The following KIAA0825 variants were observed in gnomAD, a reference collection of about 807,000 sequenced individuals.
KIAA0825 encodes KIAA0825, also known as uncharacterized protein KIAA0825.
KIAA0825 carries 119 observed loss-of-function variants against 147.6 expected under a neutral mutation model. The ratio of observed to expected loss-of-function variants is 0.81; its 90% confidence interval spans 0.69 to 0.94. The LOEUF is 0.94. KIAA0825 is among the 40% of genes least tolerant of loss of function. The probability of loss-of-function intolerance (pLI) is 0.00; values close to 1 mark genes in which losing one functional copy is unlikely to be tolerated. For synonymous variants in KIAA0825, 470 were observed against 518.1 expected (o/e 0.91, Z 1.26); for missense variants, 1,381 against 1,472.7 (o/e 0.94, Z 1.02).
intron 20 of KIAA0825, among the ~76,000 whole-genome samples, chr5:94,338,588 T>C (rs983593840): frequency 6.6e-6 from 1 of 152,174 alleles, no homozygotes; most frequent in African/African-American, 2.4e-5. Context: ...ATATCTTTAC[T>C]GTACTGTTTA....
intron 1 of KIAA0825, among the ~76,000 whole-genome samples, chr5:94,616,434 G>T (rs920248758): frequency 6.6e-6 from 1 of 152,092 alleles, no homozygotes; most frequent in African/African-American, 2.4e-5. Context: ...TGAGGGTTAC[G>T]TGAGTGGAAC....
At chr5:94,585,877 T>C (rs2152377412) in intron 1 of KIAA0825, among the ~76,000 whole-genome samples, 1 of 152,204 alleles carries the variant, frequency 6.6e-6, no homozygotes, top group African/African-American at 2.4e-5. Context: ...GAATTCAGGA[T>C]TAAGAAACTC....
chr5:94,603,574 A>G (rs111234563), intron 1 of KIAA0825, among the ~76,000 whole-genome samples: 5,036 of 152,296 alleles, frequency 0.033, 129 homozygotes, highest in Non-Finnish European at 0.049. Flanking sequence ...ACATATAACA[A>G]TATCAACCTT....
rs555100401 is a variant in KIAA0825, at chr5:94,426,483, A to C, written c.2498-9118T>G. On this transcript the variant is annotated intron_variant, in intron 14 of 20. Transcript: ENST00000682413. The stretch of plus-strand genomic sequence containing the variant: ...AGACAAATACCATATGCTGTCACTC[A>C]TATGTGGAGGCTATAAAACTTGATC... Among the ~76,000 whole-genome samples, 15 of 152,326 alleles carry C rather than the reference A, an allele frequency of 9.8e-5. No individual in the cohort carries two copies. In the East Asian group the frequency reaches 1.2e-3, roughly 12 times the overall value.
chr5:94,159,118 AGTT>A (rs1767311652), intron 20 of KIAA0825, among the ~76,000 whole-genome samples: 1 of 152,130 alleles, frequency 6.6e-6, no homozygotes, highest in Non-Finnish European at 1.5e-5. Context: ...GTCCCAATAC[AGTT>A]GTTGCAGCTT....
chr5:94,542,694 C>G (rs763047283), intron 2 of KIAA0825, among the ~76,000 whole-genome samples: 3 of 152,042 alleles, frequency 2.0e-5, no homozygotes, highest in African/African-American at 4.8e-5. Context: ...GTAATCCCAG[C>G]TACTCAGGAG....
intron 14 of KIAA0825, among the ~76,000 whole-genome samples, chr5:94,429,408 C>T (rs1481309572): frequency 6.6e-6 from 1 of 151,554 alleles, no homozygotes; most frequent in African/African-American, 2.4e-5. Flanking sequence ...TTTCCCTTTT[C>T]CCCTGTTTCT....
intron 20 of KIAA0825, among the ~76,000 whole-genome samples, chr5:94,249,302 A>T (rs944254288): frequency 6.6e-6 from 1 of 152,120 alleles, no homozygotes; most frequent in Non-Finnish European, 1.5e-5. Flanking sequence ...CTCACAAAGT[A>T]TACTGATGCC....
rs564211388 is a variant in KIAA0825, at chr5:94,240,773, G to A, written c.3711-86649C>T. Reference sequence around the variant, plus strand: ...CTTAAGTGAGCAAATGATTCCCTTCGTGAGCCAAGAATGCACTTAGCTCAC... The same window carrying A: ...CTTAAGTGAGCAAATGATTCCCTTCATGAGCCAAGAATGCACTTAGCTCAC... On this transcript the variant is annotated intron_variant, in intron 20 of 20. Coordinates refer to ENST00000682413, the MANE Select transcript of KIAA0825 (RefSeq NM_001145678.3). 2.8e-4 allele frequency among the ~76,000 whole-genome samples: 42 copies of A among 152,240 alleles called. 1 individual carries two copies. The South Asian group carries it at 6.0e-3, about 22-fold the overall frequency.
chr5:94,538,225 T>C (rs181093518), intron 2 of KIAA0825, among the ~76,000 whole-genome samples: 18 of 152,302 alleles, frequency 1.2e-4, no homozygotes, highest in Non-Finnish European at 1.9e-4. Context: ...AAGTAAAACA[T>C]GGCAATGGGC....
intron 20 of KIAA0825, among the ~76,000 whole-genome samples, chr5:94,227,460 AT>A (rs1774294270): frequency 6.6e-6 from 1 of 152,036 alleles, no homozygotes; most frequent in Non-Finnish European, 1.5e-5. Context: ...TGACGAGTTA[AT>A]GGGTGCAGCA....
At chr5:94,387,697 A>T (rs1749345905) in intron 18 of KIAA0825, among the ~76,000 whole-genome samples, 2 of 151,448 alleles carry the variant, frequency 1.3e-5, no homozygotes, top group African/African-American at 4.9e-5. Context: ...CATCTCAAAA[A>T]TAAAAAAAAA....
At chr5:94,202,659 T>C (rs1771806265) in intron 20 of KIAA0825, among the ~76,000 whole-genome samples, 2 of 152,214 alleles carry the variant, frequency 1.3e-5, no homozygotes, top group African/African-American at 4.8e-5. Flanking sequence ...TGCCATCTTA[T>C]GTATTCTTAC....
chr5:94,363,210 T>C (rs1745322111), intron 20 of KIAA0825, among the ~76,000 whole-genome samples: 1 of 151,922 alleles, frequency 6.6e-6, no homozygotes, highest in Non-Finnish European at 1.5e-5. Flanking sequence ...ACTCTGACTA[T>C]TATTAGGTTT....
intron 3 of KIAA0825, among the ~76,000 whole-genome samples, chr5:94,532,777 T>C (rs1316838651): frequency 1.3e-5 from 2 of 149,910 alleles, no homozygotes; most frequent in Non-Finnish European, 3.0e-5. Context: ...TCAAGTGATC[T>C]TCCTGCCTTG....
chr5:94,292,392 T>TA (rs1777939133), intron 20 of KIAA0825, among the ~76,000 whole-genome samples: 1 of 152,230 alleles, frequency 6.6e-6, no homozygotes, highest in South Asian at 2.1e-4. Context: ...TGGTTCTGTT[T>TA]ATGTGATGGA....
chr5:94,448,503 C>T (rs1324997213), intron 13 of KIAA0825, among the ~76,000 whole-genome samples: 1 of 151,950 alleles, frequency 6.6e-6, no homozygotes, highest in Non-Finnish European at 1.5e-5. Context: ...TTTAATGTTG[C>T]TAAAAGCTGA....
chr5:94,287,108 G>T (rs1777693454), intron 20 of KIAA0825, among the ~76,000 whole-genome samples: 1 of 152,044 alleles, frequency 6.6e-6, no homozygotes, highest in Non-Finnish European at 1.5e-5. Context: ...ACCTTGAATG[G>T]TCATCATGAA....
chr5:94,494,735 G>T (rs906281536), intron 5 of KIAA0825, among the ~76,000 whole-genome samples: 2 of 151,862 alleles, frequency 1.3e-5, no homozygotes, highest in African/African-American at 4.8e-5. Context: ...TTACTTTCTC[G>T]CATCATGACC....
Sources: gnomAD v4.1 joint callset for allele counts (sites outside exome capture counted in the v4.1 genomes callset) on GRCh38, gnomAD v4.1.1 for gene constraint, MANE v1.5 for transcripts, NCBI Gene and HGNC (gene_info 2026-07-23, HGNC 2026-07-21) for gene names.